Variants in BCL3 observed in about 807,000 individuals in gnomAD.
The protein encoded by BCL3 is B-cell lymphoma 3 protein.
Under a neutral mutation model 35.7 loss-of-function variants are expected in BCL3, and 15 were observed. The observed-to-expected ratio is 0.42, with a 90% CI of 0.28 to 0.65. BCL3 has a LOEUF of 0.65. Ranked by LOEUF, BCL3 falls within the 30% of genes least tolerant of loss-of-function variation. The probability of loss-of-function intolerance (pLI) is 0.22; values close to 1 mark genes in which losing one functional copy is unlikely to be tolerated. For missense variants in BCL3, 565 were observed against 641.7 expected, an observed-to-expected ratio of 0.88 and a Z score of 1.29; for synonymous variants, 311 against 284.3, an observed-to-expected ratio of 1.09 and a Z score of -0.95.
In BCL3 at chr19:44,759,353, G is replaced by C. The variant is rs1311919152; in HGVS notation, c.1178-75G>C. ...CCCAGCCCCTCCTCCCTCAGACCCA[G>C]ATCTCAGGCCCCAGCCCCTGCTCTC... On this transcript the variant is annotated intron_variant, in intron 8 of 8. Coordinates refer to ENST00000164227, the MANE Select transcript of BCL3 (RefSeq NM_005178.5). 6 of 740,258 alleles carry C rather than the reference G, an allele frequency of 8.1e-6. No individual in the cohort carries two copies. The African/African-American group carries it at 2.7e-4, about 33-fold the overall frequency. The allele number at this position is 740,258 out of a possible 1,614,324, so 45.9% of individuals were successfully genotyped here.
In BCL3 at chr19:44,757,747, C is replaced by T. The variant is rs932230013; in HGVS notation, c.891+24C>T. The T allele has an allele frequency of 1.2e-6, 2 of 1,609,492 alleles. No individual in the cohort carries two copies. Among genetic ancestry groups the T allele is most frequent in the Admixed American group, 3.3e-5 (2 of 59,868 alleles). ...AGGTGCGTACAGCCCCCCTGAGCCT[C>T]GCGCCCACCCTATCCTCTGACCCCA... On this transcript the variant is annotated intron_variant, in intron 6 of 8. Transcript: ENST00000164227. This position sits in a 1 kb window ranked among gnomAD's most constrained non-coding sequence, Gnocchi z 8.4.
intron 2 of BCL3, chr19:44,755,999 G>T: frequency 2.8e-6 from 1 of 353,298 alleles, no homozygotes; most frequent in Non-Finnish European, 5.1e-6. Context: ...GGTGGAAGCA[G>T]AGAAGCCATG....
In BCL3 at chr19:44,757,052, G is replaced by T; in HGVS notation, c.555G>T (p.Pro185=). The change falls in exon 4 of 9, where the codon CCG becomes CCT. Residue 185 remains proline, a synonymous_variant. Coordinates refer to ENST00000164227, the MANE Select transcript of BCL3 (RefSeq NM_005178.5). This position sits in a 1 kb window ranked among gnomAD's most constrained non-coding sequence, Gnocchi z 8.4. ...ACCTGGCTGTGATCACCACATTACCGTCTGTGGTCCGGCTCCTGGTGACAG... is the reference window on the plus strand; with the variant it reads ...ACCTGGCTGTGATCACCACATTACCTTCTGTGGTCCGGCTCCTGGTGACAG... ...PLHLAVITTL[P]SVVRLLVTAG... 1 of 1,611,204 alleles carries T rather than the reference G, an allele frequency of 6.2e-7. No homozygotes were observed. Among genetic ancestry groups the T allele is most frequent in the Non-Finnish European group, 8.5e-7 (1 of 1,179,002 alleles).
chr19:44,756,968 A>G (rs1267966617), intron 3 of BCL3, 49 bp from the exon 4 acceptor site: 2 of 1,518,590 alleles, frequency 1.3e-6, no homozygotes, highest in African/African-American at 2.8e-5. Context: ...GGGAGGCAGG[A>G]CTAGAGAGCA....
Position 44,759,797 on chromosome 19 carries a change from A to G in BCL3, c.*182A>G, listed in dbSNP as rs1967391969. ...CTCTTCTGAGCACAGATGTTCCCCCATCTCGCTCCCTCCCAGGACTCTGAC... is the reference window on the plus strand; with the variant it reads ...CTCTTCTGAGCACAGATGTTCCCCCGTCTCGCTCCCTCCCAGGACTCTGAC... On this transcript the variant is annotated 3_prime_UTR_variant, in exon 9 of 9. Transcript: ENST00000164227. 7 of 495,992 alleles carry G rather than the reference A, an allele frequency of 1.4e-5. No homozygotes were observed. In the East Asian group the frequency reaches 2.6e-4, roughly 18 times the overall value. The allele number at this position is 495,992 out of a possible 1,614,324, so 30.7% of individuals were successfully genotyped here.
intron 2 of BCL3, among the ~76,000 whole-genome samples, chr19:44,754,637 C>A (rs531079749): frequency 1.6e-4 from 25 of 152,326 alleles, no homozygotes; most frequent in African/African-American, 5.3e-4. Context: ...GCTGCGTCTG[C>A]CCTCACTTAA....
intron 2 of BCL3, among the ~76,000 whole-genome samples, 160 bp downstream of exon 2, chr19:44,751,540 C>T (rs569568500): frequency 3.3e-5 from 5 of 152,322 alleles, no homozygotes; most frequent in Admixed American, 2.6e-4. Context: ...GCCTCAGTTT[C>T]CTCCTCTGAA....
At position 44,758,498 on chromosome 19, in the gene BCL3, G is replaced by T. The variant is rs147211387; in HGVS notation, c.1059+85G>T. On this transcript the variant is annotated intron_variant, in intron 7 of 8. Coordinates refer to ENST00000164227, the MANE Select transcript of BCL3 (RefSeq NM_005178.5). ...GGCGAGTGTGCCAGAGCGCAGAGGA[G>T]TGAGGGTGTCTGTGCCGTTGCGTGG... 8 of 1,481,938 alleles carry T rather than the reference G, an allele frequency of 5.4e-6. No individual in the cohort carries two copies. In the African/African-American group the frequency reaches 1.1e-4, roughly 21 times the overall value. The allele number at this position is 1,481,938 out of a possible 1,614,324, so 91.8% of individuals were successfully genotyped here.
chr19:44,757,772 A>G lies in BCL3; in HGVS notation c.891+49A>G. 6.3e-7 allele frequency: 1 copy of G among 1,575,112 alleles called. No individual in the cohort carries two copies. The highest frequency in any genetic ancestry group is 8.7e-7 in the Non-Finnish European group (1 of 1,148,054). On this transcript the variant is annotated intron_variant, in intron 6 of 8. Coordinates refer to ENST00000164227, the MANE Select transcript of BCL3 (RefSeq NM_005178.5). The surrounding 1 kb of genome is among the most constrained non-coding windows in gnomAD (Gnocchi z 8.4). ...CGCGCCCACCCTATCCTCTGACCCC[A>G]ACCCGGCTCTGGCCTCAGCCCCTAG...
upstream of BCL3, chr19:44,748,018 G>A: frequency 7.5e-7 from 1 of 1,334,200 alleles, no homozygotes; most frequent in Non-Finnish European, 9.8e-7. Context: ...GAGAGGAATC[G>A]TTCCTGGCCG....
Position 44,758,342 on chromosome 19 carries a change from C to G in BCL3, c.988C>G (p.Arg330Gly). The change falls in exon 7 of 9, where the codon CGC becomes GGC. Residue 330 changes from arginine to glycine, a missense_variant. Arg to Gly is a moderately radical substitution (Grantham distance 125). This residue lies in a region of BCL3 where 39 missense variants were observed against 88.1 expected (regional missense o/e 0.44). Coordinates refer to ENST00000164227, the MANE Select transcript of BCL3 (RefSeq NM_005178.5). ...CCTCCCGCTGGTGCGCACGCTGGTCCGCAGCGGCGCTGACAGCAGCCTCAA... is the reference window on the plus strand; with the variant it reads ...CCTCCCGCTGGTGCGCACGCTGGTCGGCAGCGGCGCTGACAGCAGCCTCAA... ...GLLPLVRTLV[R>G]SGADSSLKNC... The G allele has an allele frequency of 6.4e-7, 1 of 1,561,678 alleles. No homozygotes were observed. The highest frequency in any genetic ancestry group is 8.6e-7 in the Non-Finnish European group (1 of 1,159,126).
Position 44,748,872 on chromosome 19 carries a change from G to A in BCL3, c.82G>A (p.Ala28Thr), listed in dbSNP as rs1218607986. ...TRPKAAGLPG[A>T]ALPLRKRPLR... is the part of the protein sequence containing the mutation. ...GCCCAAGGCCGCCGGACTCCCGGGCGCCGCGCTGCCGCTCCGCAAGCGCCC... is the reference window on the plus strand; with the variant it reads ...GCCCAAGGCCGCCGGACTCCCGGGCACCGCGCTGCCGCTCCGCAAGCGCCC... The change falls in exon 1 of 9, where the codon GCC becomes ACC. Residue 28 changes from alanine to threonine, a missense_variant. By Grantham distance (58) the Ala-to-Thr change is moderately conservative (BLOSUM62 0). Transcript: ENST00000164227. 1 of 1,107,478 alleles carries A rather than the reference G, an allele frequency of 9.0e-7. No individual in the cohort carries two copies. The highest frequency in any genetic ancestry group is 1.1e-6 in the Non-Finnish European group (1 of 911,078). The allele number at this position is 1,107,478 out of a possible 1,614,324, so 68.6% of individuals were successfully genotyped here. A position where few individuals can be genotyped will look rare whatever the true frequency, so the allele number is the denominator to read the frequency against.
chr19:44,759,625 G>A lies in BCL3; in HGVS notation c.*10G>A. On this transcript the variant is annotated 3_prime_UTR_variant, in exon 9 of 9. Transcript: ENST00000164227. ...TCCAGGAGGCAGCTGAGGGGGATGGGGGGGCAGATCTTGGACTCATGAGGA... is the reference window on the plus strand; with the variant it reads ...TCCAGGAGGCAGCTGAGGGGGATGGAGGGGCAGATCTTGGACTCATGAGGA... The A allele has an allele frequency of 1.3e-6, 2 of 1,598,470 alleles. No homozygotes were observed. The highest frequency in any genetic ancestry group is 1.7e-6 in the Non-Finnish European group (2 of 1,176,348).
At chr19:44,747,880 G>A (rs1165381646), upstream of BCL3, 3 of 1,144,174 alleles carry the variant, frequency 2.6e-6, no homozygotes, top group African/African-American at 3.2e-5. Flanking sequence ...GGCCCCGGCT[G>A]GGGGCAGGGC....
At chr19:44,755,600 A>G (rs1300715633) in intron 2 of BCL3, 2 of 151,968 alleles carry the variant, frequency 1.3e-5, no homozygotes, top group African/African-American at 4.8e-5. Flanking sequence ...GTTTGTCCTC[A>G]CCTCCCTTTT....
In BCL3 at chr19:44,757,259, C is replaced by G. The variant is rs549192479; in HGVS notation, c.724+38C>G. 1.3e-6 allele frequency: 2 copies of G among 1,554,306 alleles called. No individual in the cohort carries two copies. Among genetic ancestry groups the G allele is most frequent in the Non-Finnish European group, 1.7e-6 (2 of 1,147,014 alleles). ...CGCGGGGCACCGCTGGGCTGTCCAG[C>G]GGACCTGGAGTCCATCAGCGGCCGC... On this transcript the variant is annotated intron_variant, in intron 4 of 8. Transcript: ENST00000164227. The surrounding 1 kb of genome is among the most constrained non-coding windows in gnomAD (Gnocchi z 8.4).
rs1450483578 is a variant in BCL3, at chr19:44,757,097, G to A, written c.600G>A (p.Ala200=). 5 of 1,607,830 alleles carry A rather than the reference G, an allele frequency of 3.1e-6. No homozygotes were observed. Among genetic ancestry groups the A allele is most frequent in the Non-Finnish European group, 1.7e-6 (2 of 1,177,920 alleles). The change falls in exon 4 of 9, where the codon GCG becomes GCA. Residue 200 remains alanine (A), a synonymous_variant. Coordinates refer to ENST00000164227, the MANE Select transcript of BCL3 (RefSeq NM_005178.5). This position sits in a 1 kb window ranked among gnomAD's most constrained non-coding sequence, Gnocchi z 8.4. ...TGACAGCTGGTGCCAGCCCCATGGC[G>A]CTGGACCGCCATGGCCAGACGGCCG... The part of the protein sequence containing the change: ...LLVTAGASPM[A]LDRHGQTAAH...
Position 44,757,083 on chromosome 19 carries a change from G to T in BCL3, c.586G>T (p.Ala196Ser). Residue 196 changes from alanine (A) to serine (S), a missense_variant, in exon 4 of 9, where the codon GCC becomes TCC. Around this residue, in one of 5 missense-constraint regions of BCL3, gnomAD observed 267 missense variants for 281.5 expected, o/e 0.95. Transcript: ENST00000164227. This position sits in a 1 kb window ranked among gnomAD's most constrained non-coding sequence, Gnocchi z 8.4. Reference sequence around the variant, plus strand: ...GGTCCGGCTCCTGGTGACAGCTGGTGCCAGCCCCATGGCGCTGGACCGCCA... The same window carrying T: ...GGTCCGGCTCCTGGTGACAGCTGGTTCCAGCCCCATGGCGCTGGACCGCCA... ...SVVRLLVTAG[A>S]SPMALDRHGQ... 1 of 1,609,960 alleles carries T rather than the reference G, an allele frequency of 6.2e-7. No individual in the cohort carries two copies. Among genetic ancestry groups the T allele is most frequent in the African/African-American group, 1.3e-5 (1 of 74,916 alleles).
chr19:44,747,968 T>A, upstream of BCL3: 1 of 1,235,778 alleles, frequency 8.1e-7, no homozygotes, highest in Non-Finnish European at 1.0e-6. Context: ...GACCCACAGC[T>A]GATGAGGCAC....
Sources: gnomAD v4.1 joint callset for allele counts (sites outside exome capture counted in the v4.1 genomes callset) on GRCh38, gnomAD v4.1.1 for gene constraint, gnomAD v4.1.1 regional missense constraint, Gnocchi (gnomAD v3.1) non-coding constraint, MANE v1.5 for transcripts, NCBI Gene and HGNC (gene_info 2026-07-23, HGNC 2026-07-21) for gene names.